Variants in TSGA10 observed in about 807,000 individuals in gnomAD.
The protein encoded by TSGA10 is testis-specific gene 10 protein.
A neutral mutation model predicts 96.6 loss-of-function variants in TSGA10; 43 were observed. The observed-to-expected ratio is 0.44, with a 90% CI of 0.35 to 0.57. The LOEUF (loss-of-function observed/expected upper bound fraction) is 0.57, where lower values mean the gene tolerates loss of function less well. TSGA10 is among the 20% of genes least tolerant of loss of function. The pLI, the probability that TSGA10 is intolerant of heterozygous loss-of-function variation, is 0.01. For missense variants in TSGA10, 703 were observed against 834.4 expected (o/e 0.84, Z 1.94); for synonymous variants, 229 against 269.9 (o/e 0.85, Z 1.48).
In TSGA10 at chr2:99,136,691, C is replaced by T. The variant is rs1230299365; in HGVS notation, c.-620-9515G>A. Among the ~76,000 whole-genome samples the T allele has an allele frequency of 3.1e-5, 2 of 63,722 alleles. 1 individual carries two copies. The highest frequency in any genetic ancestry group is 8.6e-5 in the African/African-American group (2 of 23,340). 41.8% of individuals were successfully genotyped at this position (63,722 alleles called of 152,430 possible). On this transcript the variant is annotated intron_variant, in intron 1 of 20. Transcript: ENST00000393483. ...GCGGGCGCCTGTAGTCCCAGCTACT[C>T]GGGAGGCTGAGGCAGGAGAATGGCG... is the stretch of plus-strand genomic sequence containing the variant.
chr2:98,998,953 G>A (rs1382073329), intron 20 of TSGA10, among the ~76,000 whole-genome samples: 1 of 152,098 alleles, frequency 6.6e-6, no homozygotes, highest in Non-Finnish European at 1.5e-5. Context: ...CTGAAGTGCA[G>A]TGACATGATC....
intron 1 of TSGA10, among the ~76,000 whole-genome samples, chr2:99,151,924 G>C (rs920923904): frequency 1.3e-5 from 2 of 152,196 alleles, no homozygotes; most frequent in Admixed American, 6.5e-5. Flanking sequence ...TTTTCCGGGG[G>C]GAAGCTATAT....
chr2:99,138,702 A>C (rs116443564), intron 1 of TSGA10, among the ~76,000 whole-genome samples: 2,315 of 152,310 alleles, frequency 0.015, 65 homozygotes, highest in African/African-American at 0.052. Context: ...CTTGTTCCTT[A>C]ATTCTCTTTA....
At chr2:99,088,590 A>G (rs1374341596) in intron 10 of TSGA10, among the ~76,000 whole-genome samples, 1 of 152,162 alleles carries the variant, frequency 6.6e-6, no homozygotes, top group African/African-American at 2.4e-5. Context: ...ATAAATTGTT[A>G]CTGGGACTGT....
At chr2:99,126,156 G>C (rs1018526289) in intron 2 of TSGA10, 3 of 152,482 alleles carry the variant, frequency 2.0e-5, no homozygotes, top group African/African-American at 7.2e-5. Flanking sequence ...AGGCACAAGT[G>C]GGGCTCCTTG....
intron 1 of TSGA10, among the ~76,000 whole-genome samples, chr2:99,149,787 T>C (rs930295385): frequency 0.51 from 59,086 of 115,546 alleles, 15,610 homozygotes; most frequent in Middle Eastern, 0.71. Context: ...ACAAGTATCT[T>C]TTTTTTTTTT....
At chr2:99,117,841 AG>A in intron 3 of TSGA10, 82 bp from the exon 4 acceptor site, 5 of 673,418 alleles carry the variant, frequency 7.4e-6, no homozygotes, top group Non-Finnish European at 9.2e-6. Flanking sequence ...GGAATCAGGA[AG>A]GGAGATTTGC....
intron 1 of TSGA10, among the ~76,000 whole-genome samples, chr2:99,138,805 C>T (rs1237473134): frequency 6.6e-6 from 1 of 152,166 alleles, no homozygotes; most frequent in Non-Finnish European, 1.5e-5. Context: ...GGATTTAAGA[C>T]TCTATAAGGT....
intron 17 of TSGA10, among the ~76,000 whole-genome samples, chr2:99,030,960 C>G (rs960075744): frequency 4.6e-5 from 7 of 151,238 alleles, no homozygotes; most frequent in African/African-American, 1.7e-4. Flanking sequence ...TATCAAAATT[C>G]AAGCAGGATT....
chr2:99,100,819 CAAA>C (rs70940133), intron 10 of TSGA10, among the ~76,000 whole-genome samples: 2 of 69,732 alleles, frequency 2.9e-5, no homozygotes, highest in Non-Finnish European at 2.6e-5. Flanking sequence ...GACTCCGTCT[CAAA>C]AAAAAAAAAA....
chr2:99,029,086 T>C (rs535635611), intron 17 of TSGA10, among the ~76,000 whole-genome samples: 31 of 152,228 alleles, frequency 2.0e-4, no homozygotes, highest in African/African-American at 7.5e-4. Context: ...TGTGACAAAA[T>C]GTCTATAGTG....
intron 1 of TSGA10, chr2:99,147,385 T>A (rs2093642952): frequency 7.7e-7 from 1 of 1,296,636 alleles, no homozygotes; most frequent in Admixed American, 1.7e-5. Flanking sequence ...ACCTTTATTC[T>A]TACATATATA....
intron 4 of TSGA10, among the ~76,000 whole-genome samples, chr2:99,113,096 G>A (rs1041110440): frequency 1.3e-5 from 2 of 151,874 alleles, no homozygotes; most frequent in African/African-American, 4.8e-5. Context: ...AATTATCTGG[G>A]AAATGCCATG....
At chr2:99,117,412 C>A in intron 4 of TSGA10, 132 bp downstream of exon 4, 1 of 256,674 alleles carries the variant, frequency 3.9e-6, no homozygotes, top group Non-Finnish European at 6.1e-6. Flanking sequence ...TTAGAACAGA[C>A]ATTTAAATAT....
intron 16 of TSGA10, among the ~76,000 whole-genome samples, chr2:99,053,404 TC>T (rs2083606518): frequency 6.7e-6 from 1 of 149,976 alleles, no homozygotes; most frequent in Non-Finnish European, 1.5e-5. Flanking sequence ...GTTAAAAGGA[TC>T]ATACACCATA....
intron 10 of TSGA10, among the ~76,000 whole-genome samples, chr2:99,084,765 T>A (rs2088033254): frequency 6.6e-6 from 1 of 151,208 alleles, no homozygotes; most frequent in Admixed American, 6.6e-5. Flanking sequence ...GTCTCTCCCA[T>A]CCCCCCATAC....
intron 17 of TSGA10, among the ~76,000 whole-genome samples, chr2:99,024,099 C>CTTT (rs59387881): frequency 6.8e-6 from 1 of 147,640 alleles, no homozygotes; most frequent in Non-Finnish European, 1.5e-5. Context: ...AAGTATTTGT[C>CTTT]TTTTTTTTTT....
rs970752490 is a variant in TSGA10, at chr2:99,151,050, C to A, written c.-621+3643G>T. ...TGAAAAAGCCTTCCAAGATTCAAAG[C>A]AGATTTCTCTGGTATTATATTATAT... On this transcript the variant is annotated intron_variant, in intron 1 of 20. Coordinates refer to ENST00000393483, the MANE Select transcript of TSGA10 (RefSeq NM_025244.4). 4 of 416,248 alleles carry A rather than the reference C, an allele frequency of 9.6e-6. No homozygotes were observed. In the East Asian group the frequency reaches 1.5e-4, roughly 16 times the overall value. 25.8% of individuals were successfully genotyped at this position (416,248 alleles called of 1,614,324 possible).
At chr2:99,038,251 AAAAC>A (rs1298325883) in intron 16 of TSGA10, among the ~76,000 whole-genome samples, 2 of 152,164 alleles carry the variant, frequency 1.3e-5, no homozygotes, top group African/African-American at 2.4e-5. Context: ...CAATTAAAGA[AAAAC>A]AAAGTATTCA....
Sources: gnomAD v4.1 joint callset for allele counts (sites outside exome capture counted in the v4.1 genomes callset) on GRCh38, gnomAD v4.1.1 for gene constraint, MANE v1.5 for transcripts, NCBI Gene and HGNC (gene_info 2026-07-23, HGNC 2026-07-21) for gene names.